The following PARP12 variants were observed in gnomAD, a reference collection of about 807,000 sequenced individuals.
The protein encoded by PARP12 is poly(ADP-ribose) polymerase family member 12, also known as protein mono-ADP-ribosyltransferase PARP12.
Under a neutral mutation model 72.4 loss-of-function variants are expected in PARP12, and 59 were observed. The observed-to-expected ratio is 0.81, with a 90% CI of 0.66 to 1.01. The LOEUF is 1.01. PARP12 is among the 50% of genes least tolerant of loss of function. The probability of loss-of-function intolerance (pLI) is 0.00; values close to 1 mark genes in which losing one functional copy is unlikely to be tolerated. For synonymous variants in PARP12, 403 were observed against 371.4 expected (o/e 1.09, Z -0.98); for missense variants, 851 against 914.0 (o/e 0.93, Z 0.89).
chr7:140,050,280 T>C (rs895427741), intron 4 of PARP12, among the ~76,000 whole-genome samples: 2 of 152,230 alleles, frequency 1.3e-5, no homozygotes, highest in Non-Finnish European at 2.9e-5. Flanking sequence ...ATGAGAACAA[T>C]GGGAGCCCCT....
chr7:140,054,882 C>A, intron 3 of PARP12, 119 bp from the exon 4 acceptor site: 1 of 828,958 alleles, frequency 1.2e-6, no homozygotes, highest in South Asian at 1.6e-5. Context: ...AAAGCCCTAT[C>A]GTGTTTGGGG....
At chr7:140,043,457 T>G (rs1165826352) in intron 5 of PARP12, among the ~76,000 whole-genome samples, 1 of 152,188 alleles carries the variant, frequency 6.6e-6, no homozygotes, top group Non-Finnish European at 1.5e-5. Context: ...GAACTTTTAC[T>G]ATTCATTATT....
chr7:140,037,655 G>C lies in PARP12; in HGVS notation c.1324+60C>G. ...GTGCACACGGCTCCTCCAGGGTTAA[G>C]GTGTAGGGACAGAGCCAACACAGGC... On this transcript the variant is annotated intron_variant, in intron 7 of 11. Transcript: ENST00000263549. 1.3e-6 allele frequency: 2 copies of C among 1,592,632 alleles called. 1 individual carries two copies. Among genetic ancestry groups the C allele is most frequent in the South Asian group, 2.2e-5 (2 of 89,512 alleles).
intron 6 of PARP12, chr7:140,038,245 A>G (rs1816303816): frequency 4.1e-6 from 4 of 985,420 alleles, no homozygotes; most frequent in African/African-American, 1.7e-5. Context: ...TTACCCGTCT[A>G]TTCACGTTGC....
intron 3 of PARP12, among the ~76,000 whole-genome samples, chr7:140,055,797 T>C (rs769918919): frequency 2.2e-4 from 34 of 152,296 alleles, no homozygotes; most frequent in South Asian, 6.2e-4. Flanking sequence ...CAAAACATAA[T>C]TGAAGACAAT....
intron 4 of PARP12, among the ~76,000 whole-genome samples, chr7:140,049,403 A>G (rs986565923): frequency 3.9e-5 from 6 of 152,236 alleles, no homozygotes; most frequent in Non-Finnish European, 8.8e-5. Flanking sequence ...CTGGGCCAGG[A>G]AAGACAAATA....
intron 6 of PARP12, 103 bp downstream of exon 6, chr7:140,041,541 G>C: frequency 8.4e-7 from 1 of 1,189,560 alleles, no homozygotes; most frequent in South Asian, 1.6e-5. Flanking sequence ...GGGATCCTCA[G>C]CTCTCTCAAG....
rs551767412 is a variant in PARP12, at chr7:140,060,849, G to C, written c.326+1673C>G. Among the ~76,000 whole-genome samples, 22 of 152,182 alleles carry C rather than the reference G, an allele frequency of 1.4e-4. No homozygotes were observed. The South Asian group carries it at 4.1e-3, about 29-fold the overall frequency. ...CTACCTCAGATCTGATCCACTCCTG[G>C]GGCTGCAACTACAACATACACCGCC... On this transcript the variant is annotated intron_variant, in intron 1 of 11. Transcript: ENST00000263549.
chr7:140,038,461 C>A (rs1327861524), intron 6 of PARP12: 1 of 206,732 alleles, frequency 4.8e-6, no homozygotes, highest in East Asian at 1.8e-4. Flanking sequence ...GTTATCTTAA[C>A]CTCCCTGAGC....
At chr7:140,033,213 A>G in intron 8 of PARP12, 21 of 985,444 alleles carry the variant, frequency 2.1e-5, no homozygotes, top group Non-Finnish European at 2.4e-5. Context: ...TTTTAATTTA[A>G]AAAGGAAAAA....
At chr7:140,048,734 CA>C (rs1280095436) in intron 4 of PARP12, among the ~76,000 whole-genome samples, 1 of 152,134 alleles carries the variant, frequency 6.6e-6, no homozygotes, top group African/African-American at 2.4e-5. Context: ...CTTTGAACCA[CA>C]AGAAGATATA....
rs1815620493 is a variant in PARP12 at position 140,023,805 on chromosome 7, T to C, written c.*755A>G. ...TTTTGTGACATGTGTGGCACAAGTA[T>C]TCAATCTCACAGGGATGTTAAAACC... is the stretch of plus-strand genomic sequence containing the variant. On this transcript the variant is annotated 3_prime_UTR_variant, in exon 12 of 12. Coordinates refer to ENST00000263549, the MANE Select transcript of PARP12 (RefSeq NM_022750.4). The C allele has an allele frequency of 6.5e-6, 1 of 153,070 alleles. No individual in the cohort carries two copies. The highest frequency in any genetic ancestry group is 2.4e-5 in the African/African-American group (1 of 41,470). The allele number at this position is 153,070 out of a possible 1,614,324, so 9.5% of individuals were successfully genotyped here. A position where few individuals can be genotyped will look rare whatever the true frequency, so the allele number is the denominator to read the frequency against.
At chr7:140,036,562 C>T (rs1816209987) in intron 7 of PARP12, among the ~76,000 whole-genome samples, 1 of 152,126 alleles carries the variant, frequency 6.6e-6, no homozygotes, top group African/African-American at 2.4e-5. Flanking sequence ...AAAACCAAGG[C>T]CAGAAACAGA....
intron 4 of PARP12, among the ~76,000 whole-genome samples, chr7:140,048,473 G>C (rs1569527849): frequency 6.6e-6 from 1 of 152,142 alleles, no homozygotes; most frequent in Non-Finnish European, 1.5e-5. Context: ...GGAGAAAGGA[G>C]AGAAAAAGAA....
chr7:140,056,931 T>C lies in PARP12; in HGVS notation c.685A>G (p.Asn229Asp). 6.2e-7 allele frequency: 1 copy of C among 1,613,974 alleles called. No homozygotes were observed. The highest frequency in any genetic ancestry group is 8.5e-7 in the Non-Finnish European group (1 of 1,180,026). ...CTCTTATTCTTGATGTCATGTGCAT[T>C]TCTATAAATGGTAGGCAGCCTGCTC... Reference protein sequence around the residue: ...LVSRLPTIYRNAHDIKNKSSA... With the variant: ...LVSRLPTIYRDAHDIKNKSSA... Residue 229 changes from asparagine to aspartate, a missense_variant, in exon 3 of 12, where the codon AAT becomes GAT. By Grantham distance (23) the Asn-to-Asp change is conservative. Around this residue, in one of 3 missense-constraint regions of PARP12, gnomAD observed 492 missense variants for 489.3 expected, o/e 1.01. Transcript: ENST00000263549.
intron 3 of PARP12, among the ~76,000 whole-genome samples, chr7:140,056,460 A>G (rs1482030628): frequency 2.0e-5 from 3 of 152,224 alleles, no homozygotes; most frequent in South Asian, 2.1e-4. Context: ...AACACAAGGA[A>G]TGCTCCCCAG....
chr7:140,033,112 C>T (rs776244731), intron 8 of PARP12: 6 of 877,996 alleles, frequency 6.8e-6, no homozygotes, highest in African/African-American at 3.6e-5. Flanking sequence ...AGGCTGGTCT[C>T]GAACTCCTGG....
At chr7:140,036,786 G>A (rs563762329) in intron 7 of PARP12, among the ~76,000 whole-genome samples, 4 of 151,634 alleles carry the variant, frequency 2.6e-5, no homozygotes, top group African/African-American at 9.7e-5. Flanking sequence ...CACTCATGAG[G>A]AAATGGCTTA....
intron 5 of PARP12, among the ~76,000 whole-genome samples, chr7:140,045,573 C>T (rs910252177): frequency 3.3e-5 from 5 of 152,116 alleles, no homozygotes; most frequent in Non-Finnish European, 5.9e-5. Flanking sequence ...ACAAAAGGCA[C>T]TGATTGGCTT....
Sources: allele counts gnomAD v4.1 joint callset (sites outside exome capture counted in the v4.1 genomes callset), GRCh38; gene constraint gnomAD v4.1.1; regional missense constraint gnomAD v4.1.1; transcripts MANE v1.5; gene names NCBI Gene and HGNC (gene_info 2026-07-23, HGNC 2026-07-21).